Variants in OSTF1 observed in about 807,000 individuals in gnomAD.
OSTF1 encodes the protein osteoclast-stimulating factor 1.
OSTF1 carries 27 observed loss-of-function variants against 37.2 expected under a neutral mutation model. That is an observed-to-expected ratio of 0.73 (90% CI 0.54 to 1.00). The LOEUF (loss-of-function observed/expected upper bound fraction) is 1.00, where lower values mean the gene tolerates loss of function less well. Ranked by LOEUF, OSTF1 falls within the 50% of genes least tolerant of loss-of-function variation. The pLI is 0.00. For missense variants in OSTF1, 232 were observed against 253.8 expected (o/e 0.91, Z 0.58); for synonymous variants, 82 against 89.2 (o/e 0.92, Z 0.46).
chr9:75,103,581 A>G (rs1825232811), intron 1 of OSTF1, among the ~76,000 whole-genome samples: 1 of 152,206 alleles, frequency 6.6e-6, no homozygotes. Flanking sequence ...AGATAAGTAT[A>G]TACCCCAGAA....
At chr9:75,098,708 C>G (rs1332176784) in intron 1 of OSTF1, among the ~76,000 whole-genome samples, 1 of 152,142 alleles carries the variant, frequency 6.6e-6, no homozygotes, top group Non-Finnish European at 1.5e-5. Context: ...CTCTTGTCTC[C>G]TCTCATGCTA....
intron 1 of OSTF1, among the ~76,000 whole-genome samples, chr9:75,091,169 TC>T (rs1824968169): frequency 7.3e-6 from 1 of 137,156 alleles, no homozygotes; most frequent in Admixed American, 8.1e-5. Flanking sequence ...CACTGCAACC[TC>T]CGCCTCTCGG....
intron 1 of OSTF1, among the ~76,000 whole-genome samples, chr9:75,095,524 G>A (rs1825060256): frequency 6.6e-6 from 1 of 152,118 alleles, no homozygotes; most frequent in Non-Finnish European, 1.5e-5. Flanking sequence ...GCAGCAAAGG[G>A]GGAAAAGTCA....
At chr9:75,127,670 A>G (rs1024697949) in intron 3 of OSTF1, 51 bp downstream of exon 3, 8 of 947,634 alleles carry the variant, frequency 8.4e-6, no homozygotes, top group Admixed American at 2.3e-5. Flanking sequence ...TGTTTTATGT[A>G]GCTATAACAT....
At chr9:75,092,030 G>A (rs1372567566) in intron 1 of OSTF1, among the ~76,000 whole-genome samples, 1 of 152,186 alleles carries the variant, frequency 6.6e-6, no homozygotes, top group African/African-American at 2.4e-5. Flanking sequence ...GTTTCTTACA[G>A]CTTCTTTCAG....
intron 1 of OSTF1, among the ~76,000 whole-genome samples, chr9:75,109,085 T>TG (rs201423851): frequency 0.037 from 5,604 of 151,168 alleles, 147 homozygotes; most frequent in African/African-American, 0.068. Context: ...CAATCTTGGC[T>TG]CACTGCAGCC....
At chr9:75,138,079 G>A (rs1825871661) in intron 8 of OSTF1, among the ~76,000 whole-genome samples, 2 of 152,150 alleles carry the variant, frequency 1.3e-5, no homozygotes, top group Non-Finnish European at 2.9e-5. Context: ...GAACGAGAGA[G>A]GATATCTTGA....
rs1017842613 is a variant in OSTF1, at chr9:75,137,729, T to G, written c.487+113T>G. On this transcript the variant is annotated intron_variant, in intron 8 of 9. Coordinates refer to ENST00000346234, the MANE Select transcript of OSTF1 (RefSeq NM_012383.5). The stretch of plus-strand genomic sequence containing the variant: ...TAATAGTCTTATTTCAAAATAGGGT[T>G]TAACCTTTGCTCTGCCTGTGTATCA... The G allele has an allele frequency of 1.9e-5, 13 of 701,816 alleles. No individual in the cohort carries two copies. The African/African-American group carries it at 2.3e-4, about 12-fold the overall frequency. The allele number at this position is 701,816 out of a possible 1,614,324, so 43.5% of individuals were successfully genotyped here.
chr9:75,115,884 G>A (rs958463416), intron 1 of OSTF1, among the ~76,000 whole-genome samples: 3 of 151,814 alleles, frequency 2.0e-5, no homozygotes, highest in South Asian at 2.1e-4. Context: ...CAGGCAGATC[G>A]CTTGAAGTCA....
At chr9:75,138,763 C>T (rs569165591) in intron 8 of OSTF1, among the ~76,000 whole-genome samples, 1 of 152,272 alleles carries the variant, frequency 6.6e-6, no homozygotes, top group East Asian at 1.9e-4. Flanking sequence ...TTTATCATCA[C>T]TGTCTCTGAA....
At chr9:75,142,035 G>A (rs1445898404) in intron 9 of OSTF1, among the ~76,000 whole-genome samples, 1 of 152,234 alleles carries the variant, frequency 6.6e-6, no homozygotes, top group African/African-American at 2.4e-5. Flanking sequence ...GGCGAGAGCC[G>A]CTGTGCCCAG....
intron 1 of OSTF1, among the ~76,000 whole-genome samples, chr9:75,094,689 C>A (rs12340784): frequency 0.12 from 18,413 of 151,972 alleles, 2,240 homozygotes; most frequent in African/African-American, 0.32. Flanking sequence ...ACAGGGACAC[C>A]TTTCAGTGGG....
At chr9:75,128,388 A>T (rs867993793) in intron 3 of OSTF1, among the ~76,000 whole-genome samples, 1,425 of 85,212 alleles carry the variant, frequency 0.017, 227 homozygotes, top group African/African-American at 0.038. Context: ...ATATATATAT[A>T]TATATATATA....
chr9:75,121,265 T>TTAACAGTGTTA (rs2118533203), intron 2 of OSTF1, among the ~76,000 whole-genome samples: 1 of 152,232 alleles, frequency 6.6e-6, no homozygotes, highest in East Asian at 1.9e-4. Flanking sequence ...GTTGCTATAT[T>TTAACAGTGTTA]AATAGACATT....
intron 1 of OSTF1, among the ~76,000 whole-genome samples, chr9:75,090,292 CAGGTGT>C (rs948848649): frequency 6.1e-4 from 75 of 122,344 alleles, no homozygotes; most frequent in Non-Finnish European, 3.4e-4. Flanking sequence ...GGGACATTGA[CAGGTGT>C]GTGTGTGTGT....
chr9:75,115,914 G>A (rs989717661), intron 1 of OSTF1, among the ~76,000 whole-genome samples: 1 of 152,016 alleles, frequency 6.6e-6, no homozygotes, highest in Admixed American at 6.5e-5. Flanking sequence ...GACCAGCCTG[G>A]CCAACATGGC....
chr9:75,125,878 G>A (rs1825653885), intron 2 of OSTF1, among the ~76,000 whole-genome samples: 1 of 152,156 alleles, frequency 6.6e-6, no homozygotes, highest in African/African-American at 2.4e-5. Flanking sequence ...ATGGAAAAAT[G>A]AATGGATGAA....
At chr9:75,111,526 A>G (rs1374040856) in intron 1 of OSTF1, among the ~76,000 whole-genome samples, 1 of 152,134 alleles carries the variant, frequency 6.6e-6, no homozygotes, top group East Asian at 1.9e-4. Context: ...CCTTAGTGCT[A>G]ATACGTGCAG....
rs1202316527 is a variant in OSTF1, at chr9:75,130,659, G to T, written c.196+18G>T. ...CAACTATGGTAAGTGTTGCTGAGTG[G>T]TTTTACTTTAGCTTCGTTCACTTGG... On this transcript the variant is annotated intron_variant, in intron 4 of 9. Coordinates refer to ENST00000346234, the MANE Select transcript of OSTF1 (RefSeq NM_012383.5). 6.3e-7 allele frequency: 1 copy of T among 1,580,054 alleles called. No homozygotes were observed. The highest frequency in any genetic ancestry group is 1.1e-5 in the South Asian group (1 of 90,346).
Sources: gnomAD v4.1 joint callset for allele counts (sites outside exome capture counted in the v4.1 genomes callset) on GRCh38, gnomAD v4.1.1 for gene constraint, MANE v1.5 for transcripts, NCBI Gene and HGNC (gene_info 2026-07-23, HGNC 2026-07-21) for gene names.